ZFAT: variants seen among roughly 807,000 people sequenced by gnomAD.
ZFAT encodes the protein zinc finger and AT-hook domain containing, also known as zinc finger protein ZFAT.
A neutral mutation model predicts 117.7 loss-of-function variants in ZFAT; 64 were observed. The ratio of observed to expected loss-of-function variants is 0.54; its 90% CI spans 0.44 to 0.67. ZFAT has a LOEUF of 0.67. ZFAT is among the 30% of genes least tolerant of loss of function. The pLI is 0.00. For synonymous variants in ZFAT, 679 were observed against 615.0 expected, an observed-to-expected ratio of 1.10 and a Z score of -1.54; for missense variants, 1,433 against 1,584.5, an observed-to-expected ratio of 0.90 and a Z score of 1.62.
At chr8:134,709,819 A>T (rs1472563222) in intron 1 of ZFAT, among the ~76,000 whole-genome samples, 1 of 152,176 alleles carries the variant, frequency 6.6e-6, no homozygotes. Flanking sequence ...ACCGGAGGCA[A>T]ATGAGAAGCC....
chr8:134,780,081 A>G, the ZFAT span, among the ~76,000 whole-genome samples: 1 of 152,182 alleles, frequency 6.6e-6, no homozygotes, highest in Non-Finnish European at 1.5e-5. Flanking sequence ...TAGTTATCTG[A>G]TGTGGTGTGT....
chr8:134,608,331 C>T (rs1040648943), intron 5 of ZFAT, among the ~76,000 whole-genome samples: 10 of 152,324 alleles, frequency 6.6e-5, no homozygotes, highest in African/African-American at 2.2e-4. Context: ...TTCTGCAACA[C>T]ACTTGTGTTA....
intron 3 of ZFAT, among the ~76,000 whole-genome samples, chr8:134,633,455 T>C (rs1020753858): frequency 6.6e-6 from 1 of 152,268 alleles, no homozygotes; most frequent in Admixed American, 6.5e-5. Flanking sequence ...ACCTGAGTAG[T>C]GCTTTTTGAT....
rs1422659747 is a variant in ZFAT at position 134,564,325 on chromosome 8, T to TG, written c.2976+1007dup. On this transcript the variant is annotated intron_variant, in intron 11 of 15. Transcript: ENST00000377838. Reference sequence around the variant, plus strand: ...ACTCCATACCCTGACCACCTTGCTGTGGACATATCCCAGTAGAACACCCCA... The same window carrying TG: ...ACTCCATACCCTGACCACCTTGCTGTGGGACATATCCCAGTAGAACACCCCA... Among the ~76,000 whole-genome samples, 10 of 152,204 alleles carry TG rather than the reference T, an allele frequency of 6.6e-5. No individual in the cohort carries two copies. The East Asian group carries it at 1.7e-3, about 26-fold the overall frequency.
chr8:134,831,922 G>A, the ZFAT span, among the ~76,000 whole-genome samples: 8 of 151,872 alleles, frequency 5.3e-5, no homozygotes, highest in Non-Finnish European at 7.4e-5. Context: ...GTCAGGCGGG[G>A]GGCTGAGCGC....
the ZFAT span, among the ~76,000 whole-genome samples, chr8:134,744,295 G>GT: frequency 7.5e-3 from 993 of 132,082 alleles, 11 homozygotes; most frequent in East Asian, 0.017. Context: ...GAGGCTAAGA[G>GT]TTTTTTTTTT....
intron 15 of ZFAT, among the ~76,000 whole-genome samples, chr8:134,502,190 C>T (rs1249885795): frequency 6.6e-6 from 1 of 152,198 alleles, no homozygotes; most frequent in African/African-American, 2.4e-5. Flanking sequence ...GGGAGGAGGC[C>T]AGTCTGAGCA....
chr8:134,710,633 T>G (rs1813958752), intron 1 of ZFAT, among the ~76,000 whole-genome samples: 1 of 152,218 alleles, frequency 6.6e-6, no homozygotes, highest in Non-Finnish European at 1.5e-5. Flanking sequence ...TTTGGAATAT[T>G]TGCATATACA....
At chr8:134,729,766 C>A in the ZFAT span, among the ~76,000 whole-genome samples, 3 of 152,204 alleles carry the variant, frequency 2.0e-5, no homozygotes, top group South Asian at 4.2e-4. Context: ...GGCTGGTTAC[C>A]CTCACAAGCT....
chr8:134,739,839 T>A, the ZFAT span, among the ~76,000 whole-genome samples: 1 of 152,230 alleles, frequency 6.6e-6, no homozygotes, highest in Non-Finnish European at 1.5e-5. Flanking sequence ...GTTTCTTGCC[T>A]GGGGGCTTTC....
At chr8:134,655,014 C>T (rs1175790182) in intron 2 of ZFAT, among the ~76,000 whole-genome samples, 1 of 152,152 alleles carries the variant, frequency 6.6e-6, no homozygotes, top group African/African-American at 2.4e-5. Context: ...CTGAGTGAGT[C>T]CCAGCCACAT....
intron 7 of ZFAT, among the ~76,000 whole-genome samples, chr8:134,590,740 C>G (rs1022662707): frequency 1.4e-4 from 21 of 151,586 alleles, no homozygotes; most frequent in African/African-American, 4.4e-4. Flanking sequence ...CCAACACCAC[C>G]ACCACCAGCA....
chr8:134,734,544 C>T, the ZFAT span, among the ~76,000 whole-genome samples: 5 of 152,214 alleles, frequency 3.3e-5, no homozygotes. Context: ...GGTGAAGCTG[C>T]ATGAACAAAC....
At chr8:134,500,996 C>G (rs971539718) in intron 15 of ZFAT, among the ~76,000 whole-genome samples, 4 of 152,154 alleles carry the variant, frequency 2.6e-5, no homozygotes, top group African/African-American at 9.7e-5. Context: ...TAGGCAGGAG[C>G]CTAACCTCAC....
chr8:134,831,674 C>G, the ZFAT span, among the ~76,000 whole-genome samples: 820 of 151,876 alleles, frequency 5.4e-3, 2 homozygotes, highest in African/African-American at 0.019. Flanking sequence ...CCGGTCCCCC[C>G]ACTTCACGAG....
At chr8:134,481,482 G>A (rs1019760182) in intron 15 of ZFAT, among the ~76,000 whole-genome samples, 3 of 152,166 alleles carry the variant, frequency 2.0e-5, no homozygotes, top group African/African-American at 7.2e-5. Context: ...CCCTAAAGAG[G>A]ACAGTGACTC....
chr8:134,774,186 G>A, the ZFAT span, among the ~76,000 whole-genome samples: 1 of 151,728 alleles, frequency 6.6e-6, no homozygotes, highest in Non-Finnish European at 1.5e-5. Context: ...TAGTAGAGAC[G>A]GGGTTTCACC....
intron 1 of ZFAT, among the ~76,000 whole-genome samples, chr8:134,705,787 C>T: frequency 6.6e-6 from 1 of 151,986 alleles, no homozygotes; most frequent in Non-Finnish European, 1.5e-5. Flanking sequence ...GATCCACCCG[C>T]CTTGGCCTCC....
At chr8:134,729,424 C>G in the ZFAT span, among the ~76,000 whole-genome samples, 1 of 152,230 alleles carries the variant, frequency 6.6e-6, no homozygotes. Flanking sequence ...CTCTGCCTCC[C>G]AGGTTCATGC....
Sources: gnomAD v4.1 joint callset for allele counts (sites outside exome capture counted in the v4.1 genomes callset) on GRCh38, gnomAD v4.1.1 for gene constraint, MANE v1.5 for transcripts, NCBI Gene and HGNC (gene_info 2026-07-23, HGNC 2026-07-21) for gene names.